Variants in EEPD1 observed in about 807,000 individuals in gnomAD.
EEPD1 encodes the protein endonuclease/exonuclease/phosphatase family domain containing 1, also known as endonuclease/exonuclease/phosphatase family domain-containing protein 1.
In EEPD1, 17 loss-of-function variants were observed where a neutral mutation model predicts 46.3. That is an observed-to-expected ratio of 0.37 (90% CI 0.25 to 0.55). The LOEUF (loss-of-function observed/expected upper bound fraction) is 0.55. EEPD1 is among the 20% of genes least tolerant of loss of function. The probability of loss-of-function intolerance (pLI) is 0.83; values close to 1 mark genes in which losing one functional copy is unlikely to be tolerated. For missense variants in EEPD1, 673 were observed against 745.6 expected (o/e 0.90, Z 1.13); for synonymous variants, 313 against 315.6 (o/e 0.99, Z 0.09).
chr7:36,268,866 C>T (rs912868707), intron 3 of EEPD1, among the ~76,000 whole-genome samples: 1 of 152,222 alleles, frequency 6.6e-6, no homozygotes, highest in African/African-American at 2.4e-5. Context: ...GCACAGAATA[C>T]ATGAGTCATT....
intron 2 of EEPD1, chr7:36,228,679 G>A (rs953791572): frequency 1.1e-4 from 17 of 152,314 alleles, no homozygotes; most frequent in African/African-American, 3.4e-4. Flanking sequence ...TACAATAATG[G>A]ATAGGATTGT....
At chr7:36,265,399 A>C (rs1338320959) in intron 3 of EEPD1, among the ~76,000 whole-genome samples, 2 of 152,180 alleles carry the variant, frequency 1.3e-5, no homozygotes, top group Non-Finnish European at 2.9e-5. Flanking sequence ...AGCCCGCCTG[A>C]GAGTGAACTA....
At chr7:36,282,821 A>C (rs1787281169) in intron 4 of EEPD1, among the ~76,000 whole-genome samples, 1 of 152,250 alleles carries the variant, frequency 6.6e-6, no homozygotes, top group African/African-American at 2.4e-5. Flanking sequence ...GTTACCCTGC[A>C]GTATTGTGGG....
At chr7:36,173,701 A>T (rs1785128829) in intron 2 of EEPD1, among the ~76,000 whole-genome samples, 1 of 152,162 alleles carries the variant, frequency 6.6e-6, no homozygotes. Context: ...AAAATCAACC[A>T]ATACAGTCAC....
chr7:36,265,784 G>A (rs528615133), intron 3 of EEPD1, among the ~76,000 whole-genome samples: 4 of 152,186 alleles, frequency 2.6e-5, no homozygotes, highest in Non-Finnish European at 5.9e-5. Context: ...AAACATCAAA[G>A]AGGAAGAAAA....
chr7:36,217,350 C>T (rs1035812097), intron 2 of EEPD1, among the ~76,000 whole-genome samples: 7 of 152,184 alleles, frequency 4.6e-5, no homozygotes, highest in Admixed American at 6.5e-5. Flanking sequence ...ATGGCACTGG[C>T]GAGAGTGTCT....
chr7:36,176,434 C>T (rs1435160987), intron 2 of EEPD1, among the ~76,000 whole-genome samples: 1 of 152,170 alleles, frequency 6.6e-6, no homozygotes, highest in African/African-American at 2.4e-5. Context: ...CTCATGGGAG[C>T]CTCGTGAATT....
In EEPD1 at chr7:36,208,818, ACAG is replaced by A. The variant is rs1243768983; in HGVS notation, c.879-30161_879-30159del. Reference sequence around the variant, plus strand: ...GTGATGCTTCAAGGGTGGTTCCCAGACAGCAGCATCTGCGTCACCTGGGAACTT... The same window carrying A: ...GTGATGCTTCAAGGGTGGTTCCCAGACAGCATCTGCGTCACCTGGGAACTT... On this transcript the variant is annotated intron_variant, in intron 2 of 7. Coordinates refer to ENST00000242108, the MANE Select transcript of EEPD1 (RefSeq NM_030636.3). Among the ~76,000 whole-genome samples, 8 of 152,332 alleles carry A rather than the reference ACAG, an allele frequency of 5.3e-5. No homozygotes were observed. In the East Asian group the frequency reaches 1.5e-3, roughly 29 times the overall value.
At chr7:36,218,160 A>G (rs952612141) in intron 2 of EEPD1, among the ~76,000 whole-genome samples, 1 of 152,174 alleles carries the variant, frequency 6.6e-6, no homozygotes, top group African/African-American at 2.4e-5. Context: ...CAGAGCCAGT[A>G]TCATTCTATT....
chr7:36,156,465 G>A (rs945516837), intron 2 of EEPD1, among the ~76,000 whole-genome samples: 5 of 152,106 alleles, frequency 3.3e-5, no homozygotes, highest in Admixed American at 2.0e-4. Context: ...AGCTGTACTC[G>A]GCACCGGGAG....
chr7:36,238,007 A>G (rs749106747), intron 2 of EEPD1, among the ~76,000 whole-genome samples: 9 of 152,140 alleles, frequency 5.9e-5, no homozygotes, highest in Admixed American at 1.3e-4. Context: ...TATGCTAAAT[A>G]AGGGGTCGAT....
At chr7:36,198,527 A>G (rs1785654846) in intron 2 of EEPD1, among the ~76,000 whole-genome samples, 1 of 149,006 alleles carries the variant, frequency 6.7e-6, no homozygotes, top group Non-Finnish European at 1.5e-5. Context: ...ACGTGACTGT[A>G]GAATTTTTAT....
chr7:36,198,112 T>G (rs1179695077), intron 2 of EEPD1, among the ~76,000 whole-genome samples: 1 of 150,960 alleles, frequency 6.6e-6, no homozygotes, highest in African/African-American at 2.4e-5. Flanking sequence ...AAGAGTAAAG[T>G]GAAAGAGAAA....
At chr7:36,257,271 G>A (rs903446889) in intron 3 of EEPD1, among the ~76,000 whole-genome samples, 5 of 151,200 alleles carry the variant, frequency 3.3e-5, no homozygotes, top group African/African-American at 1.2e-4. Flanking sequence ...CTTCATTTCA[G>A]CATTAGTGAA....
At chr7:36,240,809 G>A (rs1018858762) in intron 3 of EEPD1, among the ~76,000 whole-genome samples, 2 of 152,130 alleles carry the variant, frequency 1.3e-5, no homozygotes, top group Non-Finnish European at 2.9e-5. Context: ...TGGGTTGGGG[G>A]GATGGTTTCA....
chr7:36,266,918 G>T (rs758297333), intron 3 of EEPD1, among the ~76,000 whole-genome samples: 2 of 152,020 alleles, frequency 1.3e-5, no homozygotes, highest in African/African-American at 4.8e-5. Flanking sequence ...GCTTTTTCAC[G>T]GCTGAGTAAT....
At chr7:36,184,278 T>A (rs1033951553) in intron 2 of EEPD1, among the ~76,000 whole-genome samples, 1 of 152,194 alleles carries the variant, frequency 6.6e-6, no homozygotes, top group African/African-American at 2.4e-5. Flanking sequence ...CTAAAAAAAA[T>A]GCCAAAGCCA....
At chr7:36,278,504 G>T (rs918661333) in intron 3 of EEPD1, among the ~76,000 whole-genome samples, 1 of 150,008 alleles carries the variant, frequency 6.7e-6, no homozygotes, top group Non-Finnish European at 1.5e-5. Context: ...TTGGTGGGGG[G>T]GCGGTGGGGG....
intron 3 of EEPD1, among the ~76,000 whole-genome samples, chr7:36,266,540 C>T (rs955277542): frequency 6.6e-6 from 1 of 152,146 alleles, no homozygotes; most frequent in Non-Finnish European, 1.5e-5. Context: ...ACATCTAGCC[C>T]ATCACTCAAG....
Sources: gnomAD v4.1 joint callset for allele counts (sites outside exome capture counted in the v4.1 genomes callset) on GRCh38, gnomAD v4.1.1 for gene constraint, MANE v1.5 for transcripts, NCBI Gene and HGNC (gene_info 2026-07-23, HGNC 2026-07-21) for gene names.